The following NUP42 variants were observed in gnomAD, a reference collection of about 807,000 sequenced individuals.
NUP42 encodes nucleoporin NUP42.
Under a neutral mutation model 35.9 loss-of-function variants are expected in NUP42, and 47 were observed. That is an observed-to-expected ratio of 1.31 (90% CI 1.04 to 1.67). The LOEUF (loss-of-function observed/expected upper bound fraction) is 1.67. Ranked by LOEUF, NUP42 falls within the 40% of genes most tolerant of loss-of-function variation. The pLI is 0.00. For synonymous variants in NUP42, 173 were observed against 173.3 expected (o/e 1.00, Z 0.01); for missense variants, 514 against 492.2 (o/e 1.04, Z -0.42).
intron 1 of NUP42, 155 bp downstream of exon 1, chr7:23,182,361 G>A: frequency 7.0e-7 from 1 of 1,435,816 alleles, no homozygotes; most frequent in Non-Finnish European, 9.1e-7. Context: ...TTTTTAAACC[G>A]AGGGTTTTAT....
chr7:23,183,108 A>C (rs858245), intron 1 of NUP42, among the ~76,000 whole-genome samples: 10,545 of 152,092 alleles, frequency 0.069, 505 homozygotes, highest in African/African-American at 0.12. Context: ...ATCATTGTCA[A>C]AGCTTTTTAT....
chr7:23,182,196 G>A lies in NUP42; in HGVS notation c.111G>A (p.Gln37=), dbSNP rs1785429011. ...GAGGGRQQPQ[Q]QPSGNNRRGW... ...GAGGAGGACGGCAGCAACCGCAGCA[G>A]CAGCCTTCAGGTGACTCTCCTCTGA... Residue 37 remains glutamine (Q), a synonymous_variant, in exon 1 of 7, where the codon CAG becomes CAA. Transcript: ENST00000258742. The A allele has an allele frequency of 1.2e-6, 2 of 1,610,720 alleles. No homozygotes were observed. The highest frequency in any genetic ancestry group is 1.7e-6 in the Non-Finnish European group (2 of 1,178,544).
At chr7:23,192,576 CA>C (rs1785837856) in intron 3 of NUP42, among the ~76,000 whole-genome samples, 1 of 149,520 alleles carries the variant, frequency 6.7e-6, no homozygotes, top group Non-Finnish European at 1.5e-5. Context: ...AAAAGAAAAT[CA>C]TAAGGATAAG....
At chr7:23,186,230 G>T (rs912715474) in intron 2 of NUP42, among the ~76,000 whole-genome samples, 1 of 152,178 alleles carries the variant, frequency 6.6e-6, no homozygotes, top group African/African-American at 2.4e-5. Flanking sequence ...GACTAGGATG[G>T]AATTTAAATG....
intron 5 of NUP42, among the ~76,000 whole-genome samples, chr7:23,197,841 A>G (rs1786069518): frequency 6.6e-6 from 1 of 152,164 alleles, no homozygotes; most frequent in South Asian, 2.1e-4. Flanking sequence ...CCAGACCAAA[A>G]AAAAAAAAAT....
Position 23,200,513 on chromosome 7 carries a change from G to T in NUP42, c.1040G>T (p.Ser347Ile), listed in dbSNP as rs569076713. 6.2e-7 allele frequency: 1 copy of T among 1,613,962 alleles called. No homozygotes were observed. Among genetic ancestry groups the T allele is most frequent in the Admixed American group, 1.7e-5 (1 of 60,010 alleles). The change falls in exon 7 of 7, where the codon AGT becomes ATT. Residue 347 changes from serine (S) to isoleucine (I), a missense_variant. Physicochemically the swap from Ser to Ile is moderately radical, Grantham distance 142. Transcript: ENST00000258742. ...GGCAGTTCTGTGGCTGGTTTTGGTAGTCCGGGCTCACATTCTCACACTGCT... is the reference window on the plus strand; with the variant it reads ...GGCAGTTCTGTGGCTGGTTTTGGTATTCCGGGCTCACATTCTCACACTGCT... Reference protein sequence around the residue: ...GGGSSVAGFGSPGSHSHTAFS... With the variant: ...GGGSSVAGFGIPGSHSHTAFS...
chr7:23,184,112 A>G (rs1031961805), intron 1 of NUP42, among the ~76,000 whole-genome samples: 1 of 152,136 alleles, frequency 6.6e-6, no homozygotes, highest in Non-Finnish European at 1.5e-5. Context: ...AAGAGAGGAG[A>G]GAATCTTTTT....
At chr7:23,184,587 C>T (rs1180793692) in intron 1 of NUP42, among the ~76,000 whole-genome samples, 1 of 152,124 alleles carries the variant, frequency 6.6e-6, no homozygotes, top group Non-Finnish European at 1.5e-5. Context: ...GATATTACAA[C>T]CTAACTACTG....
At chr7:23,192,752 A>C (rs553019352) in intron 3 of NUP42, among the ~76,000 whole-genome samples, 25 of 151,224 alleles carry the variant, frequency 1.7e-4, no homozygotes, top group Admixed American at 1.1e-3. Context: ...GTACAAGTGG[A>C]CCCTGTACAG....
chr7:23,193,175 G>A (rs1785868060), intron 3 of NUP42, among the ~76,000 whole-genome samples: 2 of 152,148 alleles, frequency 1.3e-5, no homozygotes, highest in African/African-American at 4.8e-5. Context: ...AGCTCATAAA[G>A]GCAATGTGGA....
chr7:23,187,747 C>T (rs1785643980), intron 3 of NUP42, among the ~76,000 whole-genome samples: 1 of 151,516 alleles, frequency 6.6e-6, no homozygotes, highest in South Asian at 2.1e-4. Context: ...GCTGGGATTA[C>T]AGTTGCCCGC....
At chr7:23,189,640 C>T (rs1365216257) in intron 3 of NUP42, among the ~76,000 whole-genome samples, 2 of 149,168 alleles carry the variant, frequency 1.3e-5, no homozygotes, top group Admixed American at 6.7e-5. Flanking sequence ...TGGCTGTGCA[C>T]GGTGGCTCAC....
intron 3 of NUP42, among the ~76,000 whole-genome samples, chr7:23,193,394 CA>C (rs1362933381): frequency 6.6e-6 from 1 of 152,164 alleles, no homozygotes; most frequent in African/African-American, 2.4e-5. Flanking sequence ...GGTGCGTTTA[CA>C]ATCCCTGAGC....
rs781067086 is a variant in NUP42, at chr7:23,200,647, AAACT to A, written c.1178_1181del (p.Leu393GlnfsTer2). The A allele has an allele frequency of 6.2e-7, 1 of 1,613,750 alleles. No homozygotes were observed. Among genetic ancestry groups the A allele is most frequent in the Non-Finnish European group, 8.5e-7 (1 of 1,179,846 alleles). ...TAATGTGTTATTCACACCCAGAGAT[AAACT>A]AACAGTAGAAGAACTGGAACAATTT... On this transcript the variant is annotated frameshift_variant, in exon 7 of 7. Transcript: ENST00000258742. LOFTEE classifies it high-confidence loss of function.
intron 3 of NUP42, among the ~76,000 whole-genome samples, chr7:23,190,757 G>T (rs1316016064): frequency 6.6e-6 from 1 of 151,974 alleles, no homozygotes; most frequent in Non-Finnish European, 1.5e-5. Context: ...CCTGCACATT[G>T]TGCACATGTA....
intron 1 of NUP42, 159 bp downstream of exon 1, chr7:23,182,365 G>C: frequency 2.8e-6 from 4 of 1,432,218 alleles, no homozygotes; most frequent in Non-Finnish European, 3.6e-6. Context: ...TAAACCGAGG[G>C]TTTTATCTAC....
intron 3 of NUP42, among the ~76,000 whole-genome samples, chr7:23,190,468 A>C (rs1785752449): frequency 6.6e-6 from 1 of 152,254 alleles, no homozygotes; most frequent in African/African-American, 2.4e-5. Context: ...ATGAATTAAT[A>C]CTAAGTTTCT....
Position 23,200,734 on chromosome 7 carries a change from C to T in NUP42, c.1261C>T (p.Leu421=). 2.5e-6 allele frequency: 4 copies of T among 1,573,122 alleles called. No homozygotes were observed. The highest frequency in any genetic ancestry group is 1.7e-4 in the Middle Eastern group (1 of 5,886). The change falls in exon 7 of 7, where the codon CTA becomes TTA. Residue 421 remains leucine, a synonymous_variant. Coordinates refer to ENST00000258742, the MANE Select transcript of NUP42 (RefSeq NM_007342.3). ...ATTAAAGCCTCCACCTCTGGAACTT[C>T]TAAATGTTTAAAAGGGCAATTTTAA... The part of the protein sequence containing the change: ...IPLKPPPLEL[L]NV
At chr7:23,192,984 C>A (rs1243023791) in intron 3 of NUP42, among the ~76,000 whole-genome samples, 1 of 152,016 alleles carries the variant, frequency 6.6e-6, no homozygotes, top group African/African-American at 2.4e-5. Context: ...CAGATGTGTT[C>A]GGAGTTTATT....
Sources: gnomAD v4.1 joint callset for allele counts (sites outside exome capture counted in the v4.1 genomes callset) on GRCh38, gnomAD v4.1.1 for gene constraint, MANE v1.5 for transcripts, NCBI Gene and HGNC (gene_info 2026-07-23, HGNC 2026-07-21) for gene names.